CACNA2D3: variants seen among roughly 807,000 people sequenced by gnomAD.
The protein encoded by CACNA2D3 is voltage-dependent calcium channel subunit alpha-2/delta-3.
In CACNA2D3, 60 loss-of-function variants were observed where a neutral mutation model predicts 160.6. That is an observed-to-expected ratio of 0.37 (90% CI 0.30 to 0.46). The LOEUF (loss-of-function observed/expected upper bound fraction) is 0.46, where lower values mean the gene tolerates loss of function less well. Ranked by LOEUF, CACNA2D3 falls within the 20% of genes least tolerant of loss-of-function variation. The probability of loss-of-function intolerance (pLI) is 1.00; values close to 1 mark genes in which losing one functional copy is unlikely to be tolerated. For missense variants in CACNA2D3, 1,205 were observed against 1,365.0 expected (o/e 0.88, Z 1.85); for synonymous variants, 558 against 492.9 (o/e 1.13, Z -1.75).
intron 2 of CACNA2D3, among the ~76,000 whole-genome samples, chr3:54,184,675 G>C (rs1700848404): frequency 6.6e-6 from 1 of 152,188 alleles, no homozygotes; most frequent in Non-Finnish European, 1.5e-5. Flanking sequence ...ATACTCGATG[G>C]CATTGAATCC....
rs57761171 is a variant in CACNA2D3 at position 54,171,136 on chromosome 3, C to CT, written c.204+47564dup. On this transcript the variant is annotated intron_variant, in intron 2 of 37. Coordinates refer to ENST00000474759, the MANE Select transcript of CACNA2D3 (RefSeq NM_018398.3). ...TCTGTTTACATTTTAAAGATGATGACTTTTTTTTTTTTTTTTTTTTTTAGG... is the reference window on the plus strand; with the variant it reads ...TCTGTTTACATTTTAAAGATGATGACTTTTTTTTTTTTTTTTTTTTTTTAGG... Among the ~76,000 whole-genome samples the CT allele has an allele frequency of 2.1e-3, 130 of 62,548 alleles. 17 individuals are homozygous for CT. Among genetic ancestry groups the CT allele is most frequent in the East Asian group, 0.015 (23 of 1,512 alleles). 41.0% of individuals were successfully genotyped at this position (62,548 alleles called of 152,430 possible). A position where few individuals can be genotyped will look rare whatever the true frequency, so the allele number is the denominator to read the frequency against.
chr3:54,366,532 GATTA>G (rs1157036996), intron 3 of CACNA2D3, among the ~76,000 whole-genome samples: 3 of 152,192 alleles, frequency 2.0e-5, no homozygotes, highest in Non-Finnish European at 4.4e-5. Flanking sequence ...AGGATGCAAA[GATTA>G]GGAGCTTAAA....
chr3:54,678,070 T>G (rs1700276103), intron 11 of CACNA2D3, among the ~76,000 whole-genome samples: 1 of 152,102 alleles, frequency 6.6e-6, no homozygotes, highest in Non-Finnish European at 1.5e-5. Flanking sequence ...TTTGGAGACT[T>G]CTTTTGAATA....
At chr3:54,724,540 C>T (rs184330513) in intron 11 of CACNA2D3, among the ~76,000 whole-genome samples, 2 of 152,158 alleles carry the variant, frequency 1.3e-5, no homozygotes, top group African/African-American at 4.8e-5. Flanking sequence ...TCAGAAAATG[C>T]AAAAGAATGG....
intron 5 of CACNA2D3, among the ~76,000 whole-genome samples, chr3:54,530,949 A>AC (rs1701796830): frequency 6.6e-6 from 1 of 152,256 alleles, no homozygotes; most frequent in East Asian, 1.9e-4. Flanking sequence ...GGTGGGCTGA[A>AC]CAGGCCAGAG....
chr3:54,833,723 C>T (rs975076839), intron 14 of CACNA2D3, among the ~76,000 whole-genome samples: 2 of 152,126 alleles, frequency 1.3e-5, no homozygotes, highest in African/African-American at 2.4e-5. Flanking sequence ...GTTTAAGATT[C>T]ACAGAGTCCA....
chr3:54,893,172 A>T (rs1018227068), intron 25 of CACNA2D3, among the ~76,000 whole-genome samples: 6 of 152,174 alleles, frequency 3.9e-5, no homozygotes, highest in Non-Finnish European at 7.4e-5. Context: ...GCTACTCAGG[A>T]GGCTGAGGTA....
intron 5 of CACNA2D3, among the ~76,000 whole-genome samples, chr3:54,536,351 A>T (rs1179076576): frequency 6.6e-6 from 1 of 152,194 alleles, no homozygotes; most frequent in African/African-American, 2.4e-5. Flanking sequence ...TATGCTGTGA[A>T]CATTTTTGTG....
At chr3:54,766,822 T>C (rs1344907899) in intron 13 of CACNA2D3, among the ~76,000 whole-genome samples, 1 of 151,592 alleles carries the variant, frequency 6.6e-6, no homozygotes, top group African/African-American at 2.4e-5. Flanking sequence ...CTAAGTAAAA[T>C]GAGCAAAATC....
intron 27 of CACNA2D3, among the ~76,000 whole-genome samples, chr3:54,927,249 T>C (rs1260963983): frequency 6.6e-6 from 1 of 152,188 alleles, no homozygotes; most frequent in East Asian, 1.9e-4. Context: ...TCTAGGGCAA[T>C]AGGGAAGATG....
intron 5 of CACNA2D3, among the ~76,000 whole-genome samples, chr3:54,541,292 A>G (rs1370581747): frequency 6.8e-6 from 1 of 147,656 alleles, no homozygotes; most frequent in East Asian, 2.4e-4. Flanking sequence ...AAAAAAAAAA[A>G]AAAAAAAAAG....
At chr3:54,411,521 A>G (rs1699667819) in intron 4 of CACNA2D3, among the ~76,000 whole-genome samples, 1 of 152,218 alleles carries the variant, frequency 6.6e-6, no homozygotes, top group Non-Finnish European at 1.5e-5. Context: ...GGCTCAGATG[A>G]TCATTAGCAT....
chr3:54,338,847 C>G (rs1003191397), intron 3 of CACNA2D3, among the ~76,000 whole-genome samples: 1 of 152,090 alleles, frequency 6.6e-6, no homozygotes, highest in Non-Finnish European at 1.5e-5. Flanking sequence ...AACATGTGTC[C>G]CAATTCTGAA....
At chr3:55,011,890 C>T (rs1703218072) in intron 34 of CACNA2D3, among the ~76,000 whole-genome samples, 1 of 151,574 alleles carries the variant, frequency 6.6e-6, no homozygotes, top group Admixed American at 6.6e-5. Context: ...TCTTATTTGA[C>T]TCACTTTTCC....
rs1323693564 is a variant in CACNA2D3, at chr3:54,518,674, C to T, written c.544+15020C>T. The stretch of plus-strand genomic sequence containing the variant: ...TTTGGGTTTCTTTTCCTCTGTAGCT[C>T]ATTCTAAGGAGTTCGATGAAGGAGA... On this transcript the variant is annotated intron_variant, in intron 5 of 37. Transcript: ENST00000474759. Among the ~76,000 whole-genome samples, 4 of 152,208 alleles carry T rather than the reference C, an allele frequency of 2.6e-5. No individual in the cohort carries two copies. The East Asian group carries it at 7.7e-4, about 29-fold the overall frequency.
At chr3:54,216,350 G>A (rs891379942) in intron 2 of CACNA2D3, among the ~76,000 whole-genome samples, 1 of 152,290 alleles carries the variant, frequency 6.6e-6, no homozygotes, top group South Asian at 2.1e-4. Context: ...TGCGTGTTTT[G>A]ATTATCTTTA....
At position 54,123,503 on chromosome 3, in the gene CACNA2D3, C is replaced by T; in HGVS notation, c.123-10C>T. The stretch of plus-strand genomic sequence containing the variant: ...TGTTACATATCTTCCTGTGCCCCTT[C>T]TCCCTGTAGGGTGAAGCTCTGGGCC... On this transcript the variant is annotated splice_polypyrimidine_tract_variant and intron_variant, in intron 1 of 37. Coordinates refer to ENST00000474759, the MANE Select transcript of CACNA2D3 (RefSeq NM_018398.3). 1.9e-6 allele frequency: 3 copies of T among 1,610,744 alleles called. No individual in the cohort carries two copies. Among genetic ancestry groups the T allele is most frequent in the South Asian group, 2.2e-5 (2 of 91,022 alleles).
chr3:54,213,055 C>G (rs1247438800), intron 2 of CACNA2D3, among the ~76,000 whole-genome samples: 1 of 152,142 alleles, frequency 6.6e-6, no homozygotes, highest in Non-Finnish European at 1.5e-5. Flanking sequence ...GAGCCAAGGT[C>G]AGAATCTCCA....
At chr3:54,185,824 C>T (rs1700870786) in intron 2 of CACNA2D3, among the ~76,000 whole-genome samples, 1 of 152,208 alleles carries the variant, frequency 6.6e-6, no homozygotes, top group African/African-American at 2.4e-5. Flanking sequence ...ATCTGATGAC[C>T]TGGTCTGCTG....
Sources: gnomAD v4.1 joint callset for allele counts (sites outside exome capture counted in the v4.1 genomes callset) on GRCh38, gnomAD v4.1.1 for gene constraint, MANE v1.5 for transcripts, NCBI Gene and HGNC (gene_info 2026-07-23, HGNC 2026-07-21) for gene names.